The following TIGD3 variants were observed in gnomAD, a reference collection of about 807,000 sequenced individuals.
The protein encoded by TIGD3 is tigger transposable element-derived protein 3.
TIGD3 carries 7 observed loss-of-function variants against 14.8 expected under a neutral mutation model. That is an observed-to-expected ratio of 0.47 (90% confidence interval 0.27 to 0.89). The LOEUF is 0.89. TIGD3 is among the 40% of genes least tolerant of loss of function. The pLI is 0.13. For missense variants in TIGD3, 581 were observed against 611.0 expected, an observed-to-expected ratio of 0.95 and a Z score of 0.52; for synonymous variants, 243 against 269.4, an observed-to-expected ratio of 0.90 and a Z score of 0.96.
rs7102371 is a variant in TIGD3 at position 65,357,428 on chromosome 11, C to T, written c.*204C>T. 1.4e-4 allele frequency: 82 copies of T among 574,798 alleles called. No individual in the cohort carries two copies. The highest frequency in any genetic ancestry group is 1.2e-3 in the African/African-American group (64 of 52,780). The allele number at this position is 574,798 out of a possible 1,614,324, so 35.6% of individuals were successfully genotyped here. ...GAAGAGAGCTCTAAAGATGGGGCTT[C>T]GGGGGTAGGAATCCAGGATGCTTAG... On this transcript the variant is annotated 3_prime_UTR_variant, in exon 2 of 2. Coordinates refer to ENST00000309880, the MANE Select transcript of TIGD3 (RefSeq NM_145719.3).
Sources: allele counts gnomAD v4.1 joint callset, GRCh38; gene constraint gnomAD v4.1.1; transcripts MANE v1.5; gene names NCBI Gene and HGNC (gene_info 2026-07-23, HGNC 2026-07-21).